ARNT2: variants seen among roughly 807,000 people sequenced by gnomAD.
ARNT2 encodes ARNT protein 2.
Under a neutral mutation model 91.7 loss-of-function variants are expected in ARNT2, and 36 were observed. The ratio of observed to expected loss-of-function variants is 0.39; its 90% confidence interval spans 0.30 to 0.52. The LOEUF is 0.52. ARNT2 is among the 20% of genes least tolerant of loss of function. The probability of loss-of-function intolerance (pLI) is 0.72; values close to 1 mark genes in which losing one functional copy is unlikely to be tolerated. For missense variants in ARNT2, 775 were observed against 939.3 expected (o/e 0.83, Z 2.29); for synonymous variants, 365 against 347.1 (o/e 1.05, Z -0.57).
At chr15:80,433,492 T>C (rs1896042014) in intron 1 of ARNT2, among the ~76,000 whole-genome samples, 1 of 151,726 alleles carries the variant, frequency 6.6e-6, no homozygotes, top group Admixed American at 6.6e-5. Flanking sequence ...CACCATGTTG[T>C]CCAGACTGGA....
intron 5 of ARNT2, among the ~76,000 whole-genome samples, chr15:80,490,336 A>C (rs2141410830): frequency 6.6e-6 from 1 of 152,300 alleles, no homozygotes; most frequent in African/African-American, 2.4e-5. Context: ...TGTAACTCCT[A>C]GATAACTTCA....
chr15:80,579,108 A>G (rs970655399), intron 15 of ARNT2, among the ~76,000 whole-genome samples: 2 of 152,216 alleles, frequency 1.3e-5, no homozygotes, highest in Non-Finnish European at 2.9e-5. Flanking sequence ...CTTTGCCCCA[A>G]GAAGCCCATC....
intron 8 of ARNT2, among the ~76,000 whole-genome samples, chr15:80,542,364 C>A (rs1056618807): frequency 2.0e-5 from 3 of 152,190 alleles, no homozygotes; most frequent in African/African-American, 7.2e-5. Context: ...TTTCTATTCA[C>A]TTCTAGGCTG....
chr15:80,557,601 C>T (rs1343199398), intron 11 of ARNT2, among the ~76,000 whole-genome samples: 1 of 152,130 alleles, frequency 6.6e-6, no homozygotes, highest in Non-Finnish European at 1.5e-5. Flanking sequence ...CACACTGCCA[C>T]GTGAATGCCC....
In ARNT2 at chr15:80,542,266, T is replaced by G. The variant is rs150234150; in HGVS notation, c.878-8933T>G. ...AAGCCAGCTTGTTATTTTAACATTA[T>G]TCTACTTGGTTGATTAAAATGCATT... On this transcript the variant is annotated intron_variant, in intron 8 of 18. Coordinates refer to ENST00000303329, the MANE Select transcript of ARNT2 (RefSeq NM_014862.4). Among the ~76,000 whole-genome samples, 551 of 152,340 alleles carry G rather than the reference T, an allele frequency of 3.6e-3. 3 individuals carry two copies. The highest frequency in any genetic ancestry group is 6.0e-3 in the Non-Finnish European group (407 of 68,038).
At chr15:80,574,333 C>A in intron 13 of ARNT2, 113 bp downstream of exon 13, 5 of 1,033,654 alleles carry the variant, frequency 4.8e-6, no homozygotes, top group Non-Finnish European at 6.0e-6. Flanking sequence ...CCCCATCCCC[C>A]CACTACAATG....
At position 80,591,769 on chromosome 15, in the gene ARNT2, C is replaced by T. The variant is rs573959131; in HGVS notation, c.2055+65C>T. On this transcript the variant is annotated intron_variant, in intron 18 of 18. Transcript: ENST00000303329. The surrounding 1 kb of genome is among the most constrained non-coding windows in gnomAD (Gnocchi z 5.1). The stretch of plus-strand genomic sequence containing the variant: ...CCTTCTCTCTGCTTCCTTTCCCCCT[C>T]GGTCTCTGCCGCACCACCGCCTGCC... The T allele has an allele frequency of 1.3e-4, 204 of 1,598,594 alleles. No homozygotes were observed. Among genetic ancestry groups the T allele is most frequent in the Non-Finnish European group, 1.6e-4 (187 of 1,170,302 alleles).
At chr15:80,509,494 C>T (rs1897314893) in intron 6 of ARNT2, among the ~76,000 whole-genome samples, 1 of 151,722 alleles carries the variant, frequency 6.6e-6, no homozygotes, top group Non-Finnish European at 1.5e-5. Context: ...CAAACAAAAC[C>T]CCTGCCTGCA....
chr15:80,421,718 A>C (rs902985205), intron 1 of ARNT2, among the ~76,000 whole-genome samples: 14 of 152,160 alleles, frequency 9.2e-5, no homozygotes, highest in African/African-American at 3.1e-4. Flanking sequence ...ATTTGTTTTG[A>C]GGAAGGTGCA....
intron 1 of ARNT2, among the ~76,000 whole-genome samples, chr15:80,415,965 C>T (rs1895776063): frequency 6.6e-6 from 1 of 152,146 alleles, no homozygotes; most frequent in African/African-American, 2.4e-5. Flanking sequence ...TCATTTCCCC[C>T]TGGAGTCAGA....
chr15:80,529,568 G>C (rs574180317), intron 8 of ARNT2, among the ~76,000 whole-genome samples: 1 of 148,596 alleles, frequency 6.7e-6, no homozygotes, highest in Non-Finnish European at 1.5e-5. Context: ...TTAGAGTTCA[G>C]AATTTTCACT....
intron 8 of ARNT2, among the ~76,000 whole-genome samples, chr15:80,534,733 G>C (rs1186761730): frequency 6.6e-6 from 1 of 152,206 alleles, no homozygotes; most frequent in Non-Finnish European, 1.5e-5. Flanking sequence ...TCAGTCTGCA[G>C]CTCTTGCAAA....
intron 17 of ARNT2, among the ~76,000 whole-genome samples, chr15:80,586,066 G>T (rs946977239): frequency 2.0e-5 from 3 of 152,080 alleles, no homozygotes; most frequent in Non-Finnish European, 2.9e-5. Context: ...TCCTCAAATT[G>T]CTCAGTTTCT....
At chr15:80,518,004 C>G (rs1029812293) in intron 8 of ARNT2, among the ~76,000 whole-genome samples, 1 of 152,150 alleles carries the variant, frequency 6.6e-6, no homozygotes, top group Non-Finnish European at 1.5e-5. Flanking sequence ...GGTTCCAGTG[C>G]TCACTTTGTC....
chr15:80,533,184 C>T (rs140403517), intron 8 of ARNT2, among the ~76,000 whole-genome samples: 165 of 152,182 alleles, frequency 1.1e-3, no homozygotes, highest in African/African-American at 3.6e-3. Context: ...CAGCCAAGGG[C>T]GAGGATGGAA....
intron 1 of ARNT2, among the ~76,000 whole-genome samples, chr15:80,405,573 A>G (rs898600930): frequency 2.0e-5 from 3 of 152,216 alleles, no homozygotes; most frequent in Admixed American, 6.5e-5. Context: ...CCTTTCATCT[A>G]AGGCGGCCAG....
intron 8 of ARNT2, among the ~76,000 whole-genome samples, chr15:80,544,695 C>A (rs150769282): frequency 6.6e-6 from 1 of 152,274 alleles, no homozygotes; most frequent in Admixed American, 6.5e-5. Flanking sequence ...CTGTAATGAT[C>A]ACACCTAAAG....
At chr15:80,464,182 G>T (rs2141390202) in intron 3 of ARNT2, among the ~76,000 whole-genome samples, 1 of 152,284 alleles carries the variant, frequency 6.6e-6, no homozygotes, top group African/African-American at 2.4e-5. Context: ...GGACCAGTTA[G>T]TGCTCTGTTG....
rs75221054 is a variant in ARNT2 at position 80,501,465 on chromosome 15, A to G, written c.623-6691A>G. 1.4e-3 allele frequency among the ~76,000 whole-genome samples: 206 copies of G among 152,356 alleles called. 6 individuals are homozygous for G. In the East Asian group the frequency reaches 0.032, roughly 24 times the overall value. ...AGAAGGTTATCTGGGATTTTCACTT[A>G]AAGTGTTCGTGTGCGTGACTTTTCT... On this transcript the variant is annotated intron_variant, in intron 5 of 18. Coordinates refer to ENST00000303329, the MANE Select transcript of ARNT2 (RefSeq NM_014862.4).
Sources: gnomAD v4.1 joint callset for allele counts (sites outside exome capture counted in the v4.1 genomes callset) on GRCh38, gnomAD v4.1.1 for gene constraint, Gnocchi (gnomAD v3.1) non-coding constraint, MANE v1.5 for transcripts, NCBI Gene and HGNC (gene_info 2026-07-23, HGNC 2026-07-21) for gene names.